CACNA2D3: variants seen among roughly 807,000 people sequenced by gnomAD.
CACNA2D3 encodes the protein calcium voltage-gated channel auxiliary subunit alpha2delta 3, also known as voltage-dependent calcium channel subunit alpha-2/delta-3.
Under a neutral mutation model 160.6 loss-of-function variants are expected in CACNA2D3, and 60 were observed. The observed-to-expected ratio is 0.37, with a 90% CI of 0.30 to 0.46. CACNA2D3 has a LOEUF of 0.46. Among genes scored for constraint, CACNA2D3 ranks in the 20% least tolerant of loss-of-function variants. The pLI is 1.00. For missense variants in CACNA2D3, 1,205 were observed against 1,365.0 expected, an observed-to-expected ratio of 0.88 and a Z score of 1.85; for synonymous variants, 558 against 492.9, an observed-to-expected ratio of 1.13 and a Z score of -1.75.
chr3:54,570,466 C>T (rs574347850), intron 8 of CACNA2D3, among the ~76,000 whole-genome samples: 2 of 152,150 alleles, frequency 1.3e-5, no homozygotes, highest in South Asian at 4.2e-4. Flanking sequence ...AAATTAACTT[C>T]CAGCTAGGTT....
At chr3:54,264,329 T>C (rs1702463481) in intron 2 of CACNA2D3, among the ~76,000 whole-genome samples, 2 of 152,218 alleles carry the variant, frequency 1.3e-5, no homozygotes, top group South Asian at 2.1e-4. Flanking sequence ...ATGTGTCTTG[T>C]GTAATGATGA....
At position 54,122,579 on chromosome 3, in the gene CACNA2D3, C is replaced by A. The variant is rs1699495411; in HGVS notation, c.-135C>A. ...TCCTTTTTCTGCTCCCCAAGTGAGC[C>A]GGGCGCGCGAGAGGCAGGCGGGGCG... On this transcript the variant is annotated 5_prime_UTR_variant, in exon 1 of 38. Transcript: ENST00000474759. The A allele has an allele frequency of 4.1e-6, 1 of 244,848 alleles. No individual in the cohort carries two copies. The highest frequency in any genetic ancestry group is 6.3e-6 in the Non-Finnish European group (1 of 158,058). The allele number at this position is 244,848 out of a possible 1,614,324, so 15.2% of individuals were successfully genotyped here.
intron 13 of CACNA2D3, among the ~76,000 whole-genome samples, chr3:54,776,055 T>C (rs1702419610): frequency 6.6e-6 from 1 of 152,236 alleles, no homozygotes; most frequent in Non-Finnish European, 1.5e-5. Flanking sequence ...ATGAAATCAG[T>C]GTGTGTTGTG....
intron 27 of CACNA2D3, among the ~76,000 whole-genome samples, chr3:54,954,101 T>C (rs1701823728): frequency 6.6e-6 from 1 of 152,206 alleles, no homozygotes; most frequent in Admixed American, 6.5e-5. Context: ...TCCCAGGGTT[T>C]ACCTGAGGCC....
At chr3:54,727,732 G>A (rs1701305315) in intron 11 of CACNA2D3, among the ~76,000 whole-genome samples, 1 of 152,166 alleles carries the variant, frequency 6.6e-6, no homozygotes, top group South Asian at 2.1e-4. Context: ...ATGAGGAGGG[G>A]AACATCACAC....
chr3:54,910,539 G>A (rs1373027443), intron 27 of CACNA2D3, among the ~76,000 whole-genome samples: 1 of 152,062 alleles, frequency 6.6e-6, no homozygotes, highest in African/African-American at 2.4e-5. Flanking sequence ...GTTCTTAGCT[G>A]ACCTCACTGT....
chr3:55,030,788 T>C (rs1014330463), intron 35 of CACNA2D3, among the ~76,000 whole-genome samples: 1 of 152,186 alleles, frequency 6.6e-6, no homozygotes, highest in Admixed American at 6.5e-5. Flanking sequence ...AGGATCCAGA[T>C]AGAATGGATG....
intron 2 of CACNA2D3, among the ~76,000 whole-genome samples, chr3:54,198,865 T>C (rs1439024355): frequency 6.6e-6 from 1 of 152,258 alleles, no homozygotes; most frequent in Non-Finnish European, 1.5e-5. Context: ...CTTCCACGGA[T>C]TTTTCTGTGC....
rs532685185 is a variant in CACNA2D3, at chr3:54,915,847, A to G, written c.2449+15979A>G. On this transcript the variant is annotated intron_variant, in intron 27 of 37. Transcript: ENST00000474759. The stretch of plus-strand genomic sequence containing the variant: ...TCTGAATATAAGTATGCATCATTTT[A>G]ATCATTTTCCTTAAAGACTGCCCAT... 2.0e-5 allele frequency among the ~76,000 whole-genome samples: 3 copies of G among 152,320 alleles called. No homozygotes were observed. The South Asian group carries it at 6.2e-4, about 32-fold the overall frequency.
At chr3:54,432,465 A>G (rs1249820271) in intron 4 of CACNA2D3, among the ~76,000 whole-genome samples, 2 of 152,084 alleles carry the variant, frequency 1.3e-5, no homozygotes, top group African/African-American at 2.4e-5. Flanking sequence ...AAAATATTTT[A>G]ATTCATTTTA....
At chr3:54,389,259 C>T (rs1305385631) in intron 4 of CACNA2D3, among the ~76,000 whole-genome samples, 3 of 151,412 alleles carry the variant, frequency 2.0e-5, no homozygotes, top group African/African-American at 7.3e-5. Flanking sequence ...CACGCCAGTG[C>T]ACTCCAGCCT....
At chr3:54,858,697 C>T (rs1168701) in intron 17 of CACNA2D3, among the ~76,000 whole-genome samples, 55 of 152,046 alleles carry the variant, frequency 3.6e-4, no homozygotes, top group African/African-American at 9.6e-4. Context: ...TGTTTGTCTC[C>T]GGGGAGATGG....
intron 13 of CACNA2D3, among the ~76,000 whole-genome samples, chr3:54,787,644 G>A (rs1702667166): frequency 6.6e-6 from 1 of 152,208 alleles, no homozygotes; most frequent in East Asian, 1.9e-4. Flanking sequence ...AATAAATTAT[G>A]GAGAAGTGAC....
chr3:54,934,191 A>G (rs1268399901), intron 27 of CACNA2D3, among the ~76,000 whole-genome samples: 1 of 152,220 alleles, frequency 6.6e-6, no homozygotes, highest in African/African-American at 2.4e-5. Context: ...AACGTTTAGG[A>G]CAATATTAAG....
intron 35 of CACNA2D3, among the ~76,000 whole-genome samples, chr3:55,036,339 C>T (rs1240184912): frequency 2.0e-5 from 3 of 151,990 alleles, no homozygotes; most frequent in African/African-American, 4.8e-5. Flanking sequence ...CCCAGCTACT[C>T]GGGAGGCTGA....
chr3:54,872,387 C>T (rs112711114), intron 18 of CACNA2D3, among the ~76,000 whole-genome samples: 8 of 152,110 alleles, frequency 5.3e-5, no homozygotes, highest in Non-Finnish European at 7.4e-5. Context: ...CCTACTCTTC[C>T]CTTTTTCTAA....
intron 35 of CACNA2D3, among the ~76,000 whole-genome samples, chr3:55,019,200 C>T (rs1281914180): frequency 6.6e-6 from 1 of 151,556 alleles, no homozygotes; most frequent in African/African-American, 2.4e-5. Flanking sequence ...TATATCAATA[C>T]CGTATCTCTT....
chr3:54,602,294 T>TA, intron 9 of CACNA2D3, among the ~76,000 whole-genome samples: 1 of 152,158 alleles, frequency 6.6e-6, no homozygotes, highest in East Asian at 1.9e-4. Context: ...AGTCAGGAGT[T>TA]AGAGACCAGC....
chr3:54,423,439 C>T (rs1476039267), intron 4 of CACNA2D3, among the ~76,000 whole-genome samples: 1 of 152,176 alleles, frequency 6.6e-6, no homozygotes, highest in Non-Finnish European at 1.5e-5. Context: ...ACCTGTGTGC[C>T]TCCCTCTCCT....
Sources: allele counts gnomAD v4.1 joint callset (sites outside exome capture counted in the v4.1 genomes callset), GRCh38; gene constraint gnomAD v4.1.1; transcripts MANE v1.5; gene names NCBI Gene and HGNC (gene_info 2026-07-23, HGNC 2026-07-21).